Variants in PAWR observed in about 807,000 individuals in gnomAD.
The protein encoded by PAWR is PRKC apoptosis WT1 regulator protein.
In PAWR, 23 loss-of-function variants were observed where a neutral mutation model predicts 32.0. The ratio of observed to expected loss-of-function variants is 0.72; its 90% CI spans 0.52 to 1.02. The LOEUF (loss-of-function observed/expected upper bound fraction) is 1.02, where lower values mean the gene tolerates loss of function less well. Ranked by LOEUF, PAWR falls within the 50% of genes least tolerant of loss-of-function variation. The pLI is 0.00. For synonymous variants in PAWR, 226 were observed against 187.1 expected, an observed-to-expected ratio of 1.21 and a Z score of -1.70; for missense variants, 457 against 437.7, an observed-to-expected ratio of 1.04 and a Z score of -0.39.
chr12:79,595,363 A>G (rs1873712393), intron 5 of PAWR, among the ~76,000 whole-genome samples: 1 of 152,210 alleles, frequency 6.6e-6, no homozygotes, highest in Admixed American at 6.5e-5. Context: ...GCAGAGCTCA[A>G]AAGGCCTTGC....
chr12:79,665,449 T>A lies in PAWR; in HGVS notation c.516+24280A>T, dbSNP rs11114207. On this transcript the variant is annotated intron_variant, in intron 2 of 6. Transcript: ENST00000328827. ...TTAAACTGCCAAATATTTTAAGATGTATAGATAGTTGGCTCAATAAACTTG... is the reference window on the plus strand; with the variant it reads ...TTAAACTGCCAAATATTTTAAGATGAATAGATAGTTGGCTCAATAAACTTG... Among the ~76,000 whole-genome samples the A allele has an allele frequency of 5.9e-3, 895 of 152,356 alleles. 4 individuals carry two copies. Among genetic ancestry groups the A allele is most frequent in the Middle Eastern group, 0.02 (6 of 294 alleles).
intron 4 of PAWR, among the ~76,000 whole-genome samples, chr12:79,607,006 A>G (rs1874210118): frequency 6.6e-6 from 1 of 152,158 alleles, no homozygotes; most frequent in Admixed American, 6.5e-5. Flanking sequence ...CAAGAATCCC[A>G]ATTTATTTTA....
Position 79,651,574 on chromosome 12 carries a change from T to A in PAWR, c.517-30367A>T, listed in dbSNP as rs534221831. Among the ~76,000 whole-genome samples the A allele has an allele frequency of 1.2e-4, 18 of 152,156 alleles. 1 individual carries two copies. The South Asian group carries it at 3.7e-3, about 32-fold the overall frequency. ...TAGTCTGGGCCACAAAAGACTCAAG[T>A]GACATTAAGAAAAATCAAAGAAGAT... On this transcript the variant is annotated intron_variant, in intron 2 of 6. Coordinates refer to ENST00000328827, the MANE Select transcript of PAWR (RefSeq NM_002583.4).
At chr12:79,617,291 G>A (rs1874786161) in intron 3 of PAWR, among the ~76,000 whole-genome samples, 3 of 152,180 alleles carry the variant, frequency 2.0e-5, no homozygotes. Context: ...GGTGGAGGTT[G>A]CAGTGAGCTG....
chr12:79,667,340 A>AAAT (rs893708151), intron 2 of PAWR, among the ~76,000 whole-genome samples: 2 of 151,938 alleles, frequency 1.3e-5, no homozygotes, highest in African/African-American at 4.8e-5. Flanking sequence ...ATCCTTGTCA[A>AAAT]AATAATAATA....
chr12:79,623,483 A>G (rs1249285924), intron 2 of PAWR, among the ~76,000 whole-genome samples: 1 of 147,498 alleles, frequency 6.8e-6, no homozygotes, highest in Non-Finnish European at 1.5e-5. Flanking sequence ...ATTTTGTAAA[A>G]AACAAAAACA....
chr12:79,683,170 C>G (rs577221322), intron 2 of PAWR, among the ~76,000 whole-genome samples: 1 of 152,098 alleles, frequency 6.6e-6, no homozygotes, highest in Non-Finnish European at 1.5e-5. Context: ...CCAAGTAGCT[C>G]AACCTGTCTG....
chr12:79,604,742 A>G, intron 4 of PAWR: 1 of 1,249,394 alleles, frequency 8.0e-7, no homozygotes, highest in Non-Finnish European at 1.0e-6. Context: ...AAACATACAC[A>G]TAAGCACATA....
At chr12:79,643,766 G>A (rs1319629803) in intron 2 of PAWR, among the ~76,000 whole-genome samples, 4 of 152,148 alleles carry the variant, frequency 2.6e-5, no homozygotes, top group Non-Finnish European at 4.4e-5. Context: ...CTACAGCTAT[G>A]TGAAAAGAGA....
rs576521182 is a variant in PAWR at position 79,689,853 on chromosome 12, T to C, written c.392A>G (p.Asp131Gly). ...GCTCTTGCCCTTCTCTGGGACGCCG[T>C]CCGGCTCCTCCTCGTCACGCTGGGG... ...PPPQRDEEEP[D>G]GVPEKGKSSG... Residue 131 changes from aspartate (D) to glycine (G), a missense_variant, in exon 2 of 7, where the codon GAC (aspartate) becomes GGC (glycine). Transcript: ENST00000328827. 2 of 1,580,270 alleles carry C rather than the reference T, an allele frequency of 1.3e-6. No individual in the cohort carries two copies. The highest frequency in any genetic ancestry group is 2.7e-5 in the African/African-American group (2 of 73,136).
intron 2 of PAWR, among the ~76,000 whole-genome samples, chr12:79,632,351 A>G (rs1197021274): frequency 2.1e-4 from 5 of 23,934 alleles, no homozygotes; most frequent in Admixed American, 5.6e-4. Flanking sequence ...ATATATATAT[A>G]TATATATATA....
At chr12:79,644,594 C>G (rs1459389833) in intron 2 of PAWR, among the ~76,000 whole-genome samples, 1 of 152,088 alleles carries the variant, frequency 6.6e-6, no homozygotes, top group Non-Finnish European at 1.5e-5. Context: ...TAAACAAAAA[C>G]TTTCGTCAAT....
intron 2 of PAWR, among the ~76,000 whole-genome samples, chr12:79,672,121 C>A (rs1411018033): frequency 6.6e-6 from 1 of 152,126 alleles, no homozygotes; most frequent in Non-Finnish European, 1.5e-5. Context: ...ATGGCCCCTA[C>A]CTCCCACCTG....
chr12:79,664,670 GA>G (rs1877518981), intron 2 of PAWR, among the ~76,000 whole-genome samples: 8 of 149,428 alleles, frequency 5.4e-5, no homozygotes, highest in Admixed American at 1.3e-4. Flanking sequence ...GGGGGGGGAG[GA>G]GAGAGAGAGA....
At position 79,591,075 on chromosome 12, in the gene PAWR, T is replaced by C. The variant is rs1173866970; in HGVS notation, c.*1532A>G. On this transcript the variant is annotated 3_prime_UTR_variant, in exon 7 of 7. Transcript: ENST00000328827. Reference sequence around the variant, plus strand: ...AACCTCAGATGGTAACCTTTAAAAATTGTGGAATCCAGAGTCTCAACCTAA... The same window carrying C: ...AACCTCAGATGGTAACCTTTAAAAACTGTGGAATCCAGAGTCTCAACCTAA... 4 of 152,170 alleles carry C rather than the reference T, an allele frequency of 2.6e-5. No individual in the cohort carries two copies. Among genetic ancestry groups the C allele is most frequent in the Admixed American group, 1.3e-4 (2 of 15,264 alleles). The allele number at this position is 152,170 out of a possible 1,614,324, so 9.4% of individuals were successfully genotyped here. A position where few individuals can be genotyped will look rare whatever the true frequency, so the allele number is the denominator to read the frequency against.
At chr12:79,662,099 T>G (rs552313236) in intron 2 of PAWR, among the ~76,000 whole-genome samples, 1 of 148,914 alleles carries the variant, frequency 6.7e-6, no homozygotes, top group Non-Finnish European at 1.5e-5. Flanking sequence ...CTAAGCACAG[T>G]GGCATGTGCC....
At chr12:79,626,157 C>G (rs1486679026) in intron 2 of PAWR, among the ~76,000 whole-genome samples, 2 of 72,320 alleles carry the variant, frequency 2.8e-5, no homozygotes, top group Admixed American at 3.2e-4. Flanking sequence ...GAGTGAGACT[C>G]CATCTTAAAA....
At chr12:79,639,788 T>G (rs1876189172) in intron 2 of PAWR, among the ~76,000 whole-genome samples, 1 of 152,180 alleles carries the variant, frequency 6.6e-6, no homozygotes, top group Non-Finnish European at 1.5e-5. Context: ...GAATATCAAG[T>G]AAATGAATGA....
intron 2 of PAWR, among the ~76,000 whole-genome samples, chr12:79,626,684 C>T (rs1592511309): frequency 6.6e-6 from 1 of 151,618 alleles, no homozygotes; most frequent in Non-Finnish European, 1.5e-5. Context: ...TGGTGTGCTG[C>T]ACCCATTAAC....
Sources: allele counts gnomAD v4.1 joint callset (sites outside exome capture counted in the v4.1 genomes callset), GRCh38; gene constraint gnomAD v4.1.1; transcripts MANE v1.5; gene names NCBI Gene and HGNC (gene_info 2026-07-23, HGNC 2026-07-21).